CSMD1: variants seen among roughly 807,000 people sequenced by gnomAD.
CSMD1 encodes the protein CUB and Sushi multiple domains 1.
CSMD1 carries 213 observed loss-of-function variants against 417.5 expected under a neutral mutation model. The observed-to-expected ratio is 0.51, with a 90% CI of 0.46 to 0.57. The LOEUF (loss-of-function observed/expected upper bound fraction) is 0.57. Among genes scored for constraint, CSMD1 ranks in the 20% least tolerant of loss-of-function variants. The pLI, the probability that CSMD1 is intolerant of heterozygous loss-of-function variation, is 0.00. For missense variants in CSMD1, 6,923 were observed against 4,529.7 expected, an observed-to-expected ratio of 1.53 and a Z score of -15.17; for synonymous variants, 2,862 against 1,736.8, an observed-to-expected ratio of 1.65 and a Z score of -16.11.
At chr8:3,457,193 C>T (rs1035542729) in intron 12 of CSMD1, among the ~76,000 whole-genome samples, 4 of 151,918 alleles carry the variant, frequency 2.6e-5, no homozygotes, top group African/African-American at 9.7e-5. Context: ...ATCGTGGACT[C>T]CTAACCTGGA....
intron 3 of CSMD1, among the ~76,000 whole-genome samples, chr8:4,109,809 G>A (rs1272195022): frequency 2.6e-5 from 4 of 152,116 alleles, no homozygotes; most frequent in African/African-American, 7.2e-5. Context: ...AACAAAAAGG[G>A]TGTTACCATA....
chr8:3,111,110 G>A (rs954261699), intron 42 of CSMD1, among the ~76,000 whole-genome samples: 2 of 152,190 alleles, frequency 1.3e-5, no homozygotes, highest in Non-Finnish European at 2.9e-5. Flanking sequence ...TAAGAGGTGT[G>A]AGATGAGTGT....
At chr8:2,956,552 C>A (rs1045640023) in intron 63 of CSMD1, among the ~76,000 whole-genome samples, 1 of 152,136 alleles carries the variant, frequency 6.6e-6, no homozygotes, top group East Asian at 1.9e-4. Flanking sequence ...CTCCTGGGTT[C>A]ACGCCATTCT....
intron 1 of CSMD1, among the ~76,000 whole-genome samples, chr8:4,703,977 G>A (rs768480374): frequency 6.6e-6 from 1 of 152,194 alleles, no homozygotes; most frequent in Non-Finnish European, 1.5e-5. Context: ...GCAGTTCACA[G>A]TAGGTTTCAT....
At chr8:3,951,458 T>C (rs1344174724) in intron 5 of CSMD1, among the ~76,000 whole-genome samples, 1 of 152,208 alleles carries the variant, frequency 6.6e-6, no homozygotes, top group Non-Finnish European at 1.5e-5. Flanking sequence ...GTGCTGTATT[T>C]TCCTCCGCTT....
intron 7 of CSMD1, among the ~76,000 whole-genome samples, chr8:3,657,091 T>A (rs1437221364): frequency 1.3e-5 from 2 of 152,138 alleles, no homozygotes; most frequent in African/African-American, 4.8e-5. Context: ...ACTACCGAGT[T>A]GCTGCACTGG....
intron 5 of CSMD1, among the ~76,000 whole-genome samples, chr8:3,833,160 G>C (rs1485618452): frequency 6.6e-6 from 1 of 151,998 alleles, no homozygotes; most frequent in Middle Eastern, 3.2e-3. Flanking sequence ...TAAAATTTCA[G>C]GAAAGTATAT....
In CSMD1 at chr8:4,833,225, G is replaced by A. The variant is rs1036926666; in HGVS notation, c.85+161107C>T. On this transcript the variant is annotated intron_variant, in intron 1 of 69. Coordinates refer to ENST00000635120, the MANE Select transcript of CSMD1 (RefSeq NM_033225.6). ...ATTTATAAAGAAAAGTGGATTAACT[G>A]ACTCACAATTCCACAGGCTGTTCAG... 5.0e-4 allele frequency among the ~76,000 whole-genome samples: 76 copies of A among 152,172 alleles called. 3 individuals are homozygous for A. The highest frequency in any genetic ancestry group is 1.5e-5 in the Non-Finnish European group (1 of 68,030).
chr8:3,983,470 T>G (rs901652579), intron 5 of CSMD1, among the ~76,000 whole-genome samples: 9 of 151,976 alleles, frequency 5.9e-5, no homozygotes, highest in Admixed American at 2.0e-4. Flanking sequence ...GTCACCAGGG[T>G]AGATATCAAG....
rs536144445 is a variant in CSMD1 at position 4,386,742 on chromosome 8, G to C, written c.415+33211C>G. On this transcript the variant is annotated intron_variant, in intron 3 of 69. Transcript: ENST00000635120. ...GGATAGCTGGCAGAGAAGTGCTAAT[G>C]ATGACTTTAATTAGGGGTAGAAACA... is the stretch of plus-strand genomic sequence containing the variant. 2.0e-5 allele frequency among the ~76,000 whole-genome samples: 3 copies of C among 152,260 alleles called. No individual in the cohort carries two copies. In the South Asian group the frequency reaches 6.2e-4, roughly 32 times the overall value.
chr8:4,785,975 T>C (rs1462748752), intron 1 of CSMD1, among the ~76,000 whole-genome samples: 1 of 152,198 alleles, frequency 6.6e-6, no homozygotes, highest in African/African-American at 2.4e-5. Context: ...AAAGACATCC[T>C]GCATGGTAGC....
intron 3 of CSMD1, among the ~76,000 whole-genome samples, chr8:4,405,747 G>C (rs549261077): frequency 6.6e-6 from 1 of 152,172 alleles, no homozygotes; most frequent in Non-Finnish European, 1.5e-5. Flanking sequence ...TGCACCACCA[G>C]ACACCCCAGA....
At chr8:4,045,127 C>T (rs1798083610) in intron 3 of CSMD1, among the ~76,000 whole-genome samples, 1 of 152,170 alleles carries the variant, frequency 6.6e-6, no homozygotes, top group Non-Finnish European at 1.5e-5. Context: ...CAGTCACCAC[C>T]TGTGCCCTCC....
At chr8:4,824,017 C>T (rs1053049918) in intron 1 of CSMD1, among the ~76,000 whole-genome samples, 1 of 151,682 alleles carries the variant, frequency 6.6e-6, no homozygotes, top group African/African-American at 2.4e-5. Context: ...CACACACATA[C>T]ATGCACACAC....
chr8:4,206,647 G>C (rs762658887), intron 3 of CSMD1, among the ~76,000 whole-genome samples: 2 of 152,202 alleles, frequency 1.3e-5, no homozygotes, highest in Non-Finnish European at 2.9e-5. Flanking sequence ...ATAAACGTAT[G>C]TGTGCATGTG....
intron 45 of CSMD1, 146 bp downstream of exon 45, chr8:3,107,572 T>A (rs1042957006): frequency 3.1e-5 from 17 of 545,240 alleles, no homozygotes; most frequent in Admixed American, 8.0e-5. Context: ...TTCTCAGCAA[T>A]ACTTTAAGGA....
chr8:3,777,237 C>G (rs897981887), intron 5 of CSMD1, among the ~76,000 whole-genome samples: 2 of 151,860 alleles, frequency 1.3e-5, no homozygotes, highest in African/African-American at 2.4e-5. Context: ...AACATGAGCT[C>G]CTTAAGGGCA....
intron 3 of CSMD1, among the ~76,000 whole-genome samples, chr8:4,067,884 C>G (rs1799334682): frequency 6.6e-6 from 1 of 152,078 alleles, no homozygotes. Flanking sequence ...GGAGACCATC[C>G]TGGCCAACAT....
intron 5 of CSMD1, among the ~76,000 whole-genome samples, chr8:3,966,026 C>A (rs943333565): frequency 2.6e-5 from 4 of 152,092 alleles, no homozygotes; most frequent in Non-Finnish European, 5.9e-5. Flanking sequence ...TAGAAAGAAG[C>A]AGAAGACACT....
Sources: allele counts gnomAD v4.1 joint callset (sites outside exome capture counted in the v4.1 genomes callset), GRCh38; gene constraint gnomAD v4.1.1; transcripts MANE v1.5; gene names NCBI Gene and HGNC (gene_info 2026-07-23, HGNC 2026-07-21).